Variants in ZC3H14 observed in about 807,000 individuals in gnomAD.
ZC3H14 encodes zinc finger CCCH-type containing 14.
ZC3H14 carries 31 observed loss-of-function variants against 92.4 expected under a neutral mutation model. The ratio of observed to expected loss-of-function variants is 0.34; its 90% CI spans 0.25 to 0.45. The LOEUF is 0.45. Ranked by LOEUF, ZC3H14 falls within the 20% of genes least tolerant of loss-of-function variation. ZC3H14 has a pLI of 1.00. For synonymous variants in ZC3H14, 321 were observed against 300.9 expected (o/e 1.07, Z -0.69); for missense variants, 781 against 897.3 (o/e 0.87, Z 1.66).
rs1292308311 is a variant in ZC3H14 at position 88,620,949 on chromosome 14, AAAG to A, written c.*9200_*9202del. 13 of 1,485,926 alleles carry A rather than the reference AAAG, an allele frequency of 8.7e-6. No homozygotes were observed. Among genetic ancestry groups the A allele is most frequent in the East Asian group, 2.5e-5 (1 of 40,404 alleles). 92.0% of individuals were successfully genotyped at this position (1,485,926 alleles called of 1,614,324 possible). ...CTTCTGCATTTAAAAAAAAAAAAAA[AAAG>A]AGTCATAGGAAACATTAAGTGAAGT... On this transcript the variant is annotated 3_prime_UTR_variant, in exon 17 of 17. Transcript: ENST00000251038. This position sits in a 1 kb window ranked among gnomAD's most constrained non-coding sequence, Gnocchi z 4.3.
intron 9 of ZC3H14, among the ~76,000 whole-genome samples, chr14:88,588,190 C>T (rs1217826891): frequency 6.6e-6 from 1 of 152,144 alleles, no homozygotes; most frequent in African/African-American, 2.4e-5. Context: ...CCTCTCTCCT[C>T]CTTTTCTGAC....
chr14:88,601,286 A>G (rs1300366873), intron 10 of ZC3H14, among the ~76,000 whole-genome samples: 1 of 152,146 alleles, frequency 6.6e-6, no homozygotes, highest in Non-Finnish European at 1.5e-5. Context: ...TTGATGGCGT[A>G]TTGATAGGTC....
rs747336807 is a variant in ZC3H14, at chr14:88,618,608, CAGA to C, written c.*6862_*6864del. 23 of 1,573,766 alleles carry C rather than the reference CAGA, an allele frequency of 1.5e-5. No homozygotes were observed. Among genetic ancestry groups the C allele is most frequent in the Admixed American group, 1.1e-4 (6 of 52,870 alleles). On this transcript the variant is annotated 3_prime_UTR_variant, in exon 17 of 17. Transcript: ENST00000251038. Reference sequence around the variant, plus strand: ...CATTCACTAACACGAAATGTAAAAGCAGAAGAACTTGCCACCTGGGTATACAGT... The same window carrying C: ...CATTCACTAACACGAAATGTAAAAGCAGAACTTGCCACCTGGGTATACAGT...
Position 88,608,962 on chromosome 14 carries a change from A to G in ZC3H14, c.1869-305A>G, listed in dbSNP as rs1029521087. 1.1e-4 allele frequency: 39 copies of G among 368,712 alleles called. 1 individual carries two copies. Among genetic ancestry groups the G allele is most frequent in the Admixed American group, 4.4e-4 (10 of 22,500 alleles). The allele number at this position is 368,712 out of a possible 1,614,324, so 22.8% of individuals were successfully genotyped here. On this transcript the variant is annotated intron_variant, in intron 13 of 16. Transcript: ENST00000251038. Reference sequence around the variant, plus strand: ...GCATAGAGGATGTGTTTATTGTATTAATGAGTTCACTGCATAAAATATATA... The same window carrying G: ...GCATAGAGGATGTGTTTATTGTATTGATGAGTTCACTGCATAAAATATATA...
In ZC3H14 at chr14:88,610,822, A is replaced by C. The variant is rs780627151; in HGVS notation, c.2098-12A>C. 1.9e-6 allele frequency: 3 copies of C among 1,609,850 alleles called. No homozygotes were observed. The highest frequency in any genetic ancestry group is 1.1e-5 in the South Asian group (1 of 91,010). On this transcript the variant is annotated splice_polypyrimidine_tract_variant and intron_variant, in intron 15 of 16. Coordinates refer to ENST00000251038, the MANE Select transcript of ZC3H14 (RefSeq NM_024824.5). Reference sequence around the variant, plus strand: ...TTGTGGATATTGTTGAAGCTCTGTTATCTCTATTCAGCATTGTAGGTTTAA... The same window carrying C: ...TTGTGGATATTGTTGAAGCTCTGTTCTCTCTATTCAGCATTGTAGGTTTAA...
intron 1 of ZC3H14, 94 bp downstream of exon 1, chr14:88,563,263 C>G: frequency 1.3e-6 from 2 of 1,543,582 alleles, no homozygotes; most frequent in Non-Finnish European, 1.7e-6. Flanking sequence ...GTGGACGCCG[C>G]GGCCTGGCCT....
Position 88,616,175 on chromosome 14 carries a change from C to G in ZC3H14, c.*4424C>G. 6.2e-7 allele frequency: 1 copy of G among 1,613,832 alleles called. No individual in the cohort carries two copies. Among genetic ancestry groups the G allele is most frequent in the Non-Finnish European group, 8.5e-7 (1 of 1,179,802 alleles). ...ATCACCTCCAGCACTAACAACATGT[C>G]GATCACCACTGGTAAATCGAATATT... On this transcript the variant is annotated 3_prime_UTR_variant, in exon 17 of 17. Coordinates refer to ENST00000251038, the MANE Select transcript of ZC3H14 (RefSeq NM_024824.5).
At chr14:88,576,091 A>G in intron 8 of ZC3H14, 151 bp downstream of exon 8, 1 of 711,000 alleles carries the variant, frequency 1.4e-6, no homozygotes, top group Non-Finnish European at 2.3e-6. Flanking sequence ...TGGCTTTAAA[A>G]GGAAATTGAC....
chr14:88,619,453 C>T lies in ZC3H14; in HGVS notation c.*7702C>T, dbSNP rs1206897305. Reference sequence around the variant, plus strand: ...CTCCTGGCCTCAAGCAATCCTTCCCCCTTGGCCTCCCAAGGTACTGGGATT... The same window carrying T: ...CTCCTGGCCTCAAGCAATCCTTCCCTCTTGGCCTCCCAAGGTACTGGGATT... On this transcript the variant is annotated 3_prime_UTR_variant, in exon 17 of 17. Transcript: ENST00000251038. 1 of 152,298 alleles carries T rather than the reference C, an allele frequency of 6.6e-6. No individual in the cohort carries two copies. Among genetic ancestry groups the T allele is most frequent in the African/African-American group, 2.4e-5 (1 of 41,458 alleles). The allele number at this position is 152,298 out of a possible 1,614,324, so 9.4% of individuals were successfully genotyped here.
At chr14:88,564,025 A>G (rs1326834270) in intron 2 of ZC3H14, among the ~76,000 whole-genome samples, 1 of 151,802 alleles carries the variant, frequency 6.6e-6, no homozygotes, top group East Asian at 1.9e-4. Flanking sequence ...GCTGGTCTTA[A>G]CTCCTGGGCT....
chr14:88,573,063 C>A, intron 6 of ZC3H14, 56 bp downstream of exon 6: 1 of 1,568,370 alleles, frequency 6.4e-7, no homozygotes, highest in Non-Finnish European at 8.7e-7. Context: ...TTCTTGATAC[C>A]AAATAATATA....
rs1316165504 is a variant in ZC3H14, at chr14:88,619,774, CCT to C, written c.*8024_*8025del. 3.9e-5 allele frequency: 6 copies of C among 152,158 alleles called. No homozygotes were observed. The highest frequency in any genetic ancestry group is 8.8e-5 in the Non-Finnish European group (6 of 68,054). 9.4% of individuals were successfully genotyped at this position (152,158 alleles called of 1,614,324 possible). A position where few individuals can be genotyped will look rare whatever the true frequency, so the allele number is the denominator to read the frequency against. ...CCGCCTCCCGGGTTCAAGCGATTCT[CCT>C]GTTTCAGCCCCCTGAGTAGCTGGGA... On this transcript the variant is annotated 3_prime_UTR_variant, in exon 17 of 17. Coordinates refer to ENST00000251038, the MANE Select transcript of ZC3H14 (RefSeq NM_024824.5).
chr14:88,576,860 G>T (rs986457383), intron 8 of ZC3H14, among the ~76,000 whole-genome samples: 5 of 151,800 alleles, frequency 3.3e-5, no homozygotes, highest in African/African-American at 1.2e-4. Context: ...GTGTGATCTT[G>T]GCTTACTGCA....
chr14:88,593,769 A>G (rs2083445548), intron 9 of ZC3H14, among the ~76,000 whole-genome samples: 1 of 152,232 alleles, frequency 6.6e-6, no homozygotes, highest in Admixed American at 6.5e-5. Context: ...AGGGAAAAAA[A>G]TAGATATGTC....
At chr14:88,588,452 A>G (rs760444527) in intron 9 of ZC3H14, among the ~76,000 whole-genome samples, 1 of 152,230 alleles carries the variant, frequency 6.6e-6, no homozygotes, top group Non-Finnish European at 1.5e-5. Context: ...CATTTTCTTC[A>G]GAACTTTGAA....
chr14:88,575,829 A>G lies in ZC3H14; in HGVS notation c.1023-11A>G. On this transcript the variant is annotated splice_polypyrimidine_tract_variant and intron_variant, in intron 7 of 16. Transcript: ENST00000251038. ...AAAGTTTAATAAAAATACCTTTCTT[A>G]ACTCTTTTAGACCTTCTCTTCCACC... is the stretch of plus-strand genomic sequence containing the variant. The G allele has an allele frequency of 6.2e-7, 1 of 1,605,570 alleles. No individual in the cohort carries two copies. The highest frequency in any genetic ancestry group is 8.5e-7 in the Non-Finnish European group (1 of 1,172,770).
At chr14:88,578,896 C>T (rs2081536045) in intron 9 of ZC3H14, among the ~76,000 whole-genome samples, 1 of 138,740 alleles carries the variant, frequency 7.2e-6, no homozygotes, top group Non-Finnish European at 1.5e-5. Context: ...GTGAAAGTAT[C>T]TCTCCCCTCC....
Position 88,619,651 on chromosome 14 carries a change from G to A in ZC3H14, c.*7900G>A, listed in dbSNP as rs953611042. 1 of 152,162 alleles carries A rather than the reference G, an allele frequency of 6.6e-6. No individual in the cohort carries two copies. Among genetic ancestry groups the A allele is most frequent in the African/African-American group, 2.4e-5 (1 of 41,442 alleles). The allele number at this position is 152,162 out of a possible 1,614,324, so 9.4% of individuals were successfully genotyped here. ...AGCTTAACTAACCTCCAGTTATTAA[G>A]GTGAAATGACACAACTTGAATCTTG... On this transcript the variant is annotated 3_prime_UTR_variant, in exon 17 of 17. Transcript: ENST00000251038.
At chr14:88,579,952 C>G (rs1425378743) in intron 9 of ZC3H14, among the ~76,000 whole-genome samples, 4 of 152,222 alleles carry the variant, frequency 2.6e-5, no homozygotes, top group Non-Finnish European at 5.9e-5. Context: ...TGGCTCATGC[C>G]TGTAATCCCA....
Sources: allele counts gnomAD v4.1 joint callset (sites outside exome capture counted in the v4.1 genomes callset), GRCh38; gene constraint gnomAD v4.1.1; non-coding constraint Gnocchi (gnomAD v3.1); transcripts MANE v1.5; gene names NCBI Gene and HGNC (gene_info 2026-07-23, HGNC 2026-07-21).